ATG4C: variants seen among roughly 807,000 people sequenced by gnomAD.
ATG4C encodes cysteine protease ATG4C.
A neutral mutation model predicts 57.6 loss-of-function variants in ATG4C; 56 were observed. The observed-to-expected ratio is 0.97, with a 90% CI of 0.78 to 1.21. The LOEUF is 1.21. ATG4C is among the 50% of genes most tolerant of loss of function. ATG4C has a pLI of 0.00. For missense variants in ATG4C, 595 were observed against 529.8 expected (o/e 1.12, Z -1.21); for synonymous variants, 157 against 174.1 (o/e 0.90, Z 0.78).
chr1:62,785,901 G>A (rs562169300), intron 1 of ATG4C, among the ~76,000 whole-genome samples: 2 of 152,064 alleles, frequency 1.3e-5, no homozygotes, highest in South Asian at 4.2e-4. Flanking sequence ...AAATGATACG[G>A]TAGCCATTAC....
intron 1 of ATG4C, among the ~76,000 whole-genome samples, chr1:62,800,225 A>G (rs530640856): frequency 1.3e-5 from 2 of 152,318 alleles, no homozygotes; most frequent in South Asian, 4.1e-4. Context: ...AGATACCTGC[A>G]TGCACATACT....
rs10677674 is a variant in ATG4C, at chr1:62,810,711, GT to G, written c.160+5471del. Among the ~76,000 whole-genome samples the G allele has an allele frequency of 2.7e-3, 385 of 141,548 alleles. 3 individuals carry two copies. Among genetic ancestry groups the G allele is most frequent in the African/African-American group, 8.6e-3 (335 of 38,856 alleles). The allele number at this position is 141,548 out of a possible 152,430, so 92.9% of individuals were successfully genotyped here. On this transcript the variant is annotated intron_variant, in intron 3 of 10. Transcript: ENST00000317868. Reference sequence around the variant, plus strand: ...GCTAGCAATTTCCCATTGAGTCCTTGTTTTTTTTTTTTTTTCTTTAGAAGAA... The same window carrying G: ...GCTAGCAATTTCCCATTGAGTCCTTGTTTTTTTTTTTTTTCTTTAGAAGAA...
intron 8 of ATG4C, 72 bp from the exon 9 acceptor site, chr1:62,834,704 A>G: frequency 1.6e-6 from 2 of 1,276,006 alleles, no homozygotes; most frequent in Non-Finnish European, 2.3e-6. Context: ...TGTTCTACAT[A>G]GAAATTGGAT....
At chr1:62,821,299 A>G (rs536838871) in intron 6 of ATG4C, 90 bp downstream of exon 6, 263 of 755,582 alleles carry the variant, frequency 3.5e-4, no homozygotes, top group Non-Finnish European at 4.8e-4. Flanking sequence ...GTAAATGATT[A>G]TGAAGGTAGG....
Position 62,810,265 on chromosome 1 carries a change from T to G in ATG4C, c.160+5010T>G, listed in dbSNP as rs538067308. On this transcript the variant is annotated intron_variant, in intron 3 of 10. Transcript: ENST00000317868. The stretch of plus-strand genomic sequence containing the variant: ...TGCTGAAAGTATGAAATATACAGTC[T>G]TTACTCTCAAGAAACTTACAGTCCA... Among the ~76,000 whole-genome samples the G allele has an allele frequency of 5.3e-5, 8 of 152,306 alleles. No individual in the cohort carries two copies. In the East Asian group the frequency reaches 1.5e-3, roughly 29 times the overall value.
chr1:62,801,289 T>G (rs1172704633), intron 1 of ATG4C, among the ~76,000 whole-genome samples: 4 of 152,248 alleles, frequency 2.6e-5, no homozygotes, highest in Non-Finnish European at 5.9e-5. Context: ...TCAGCAGTTC[T>G]CAAATTAATA....
chr1:62,801,958 CAAAAAAA>C (rs60298362), intron 1 of ATG4C, among the ~76,000 whole-genome samples: 13 of 51,888 alleles, frequency 2.5e-4, no homozygotes, highest in South Asian at 1.2e-3. Context: ...ACTCTGTCTC[CAAAAAAA>C]AAAAAAAAAA....
In ATG4C at chr1:62,835,384, A is replaced by G. The variant is rs772601973; in HGVS notation, c.1089+532A>G. The G allele has an allele frequency of 1.4e-5, 5 of 356,312 alleles. 1 individual carries two copies. Among genetic ancestry groups the G allele is most frequent in the South Asian group, 7.1e-5 (3 of 42,446 alleles). The allele number at this position is 356,312 out of a possible 1,614,324, so 22.1% of individuals were successfully genotyped here. On this transcript the variant is annotated intron_variant, in intron 9 of 10. Transcript: ENST00000317868. ...CTTAACCTCTTCTTTTCCTTTATAC[A>G]GGTCATTTTGTGATCCAGTATTTTA...
chr1:62,862,866 A>G (rs1666896979), intron 10 of ATG4C, among the ~76,000 whole-genome samples: 1 of 152,108 alleles, frequency 6.6e-6, no homozygotes, highest in African/African-American at 2.4e-5. Context: ...CATTTGAGAT[A>G]ATGCAGTTTT....
intron 10 of ATG4C, 86 bp downstream of exon 10, chr1:62,841,633 A>T (rs1055645671): frequency 6.1e-5 from 68 of 1,107,032 alleles, no homozygotes; most frequent in African/African-American, 5.2e-4. Context: ...GTAAATTATA[A>T]TTTTTTATAA....
Position 62,803,873 on chromosome 1 carries a change from T to C in ATG4C, c.76+11T>C. On this transcript the variant is annotated intron_variant, in intron 2 of 10. Coordinates refer to ENST00000317868, the MANE Select transcript of ATG4C (RefSeq NM_032852.4). ...ACAACATGAAATATAGTAAGTATCA[T>C]GTTTTAAAAATTGTATAAATCCAAA... The C allele has an allele frequency of 2.7e-6, 4 of 1,500,412 alleles. No individual in the cohort carries two copies. Among genetic ancestry groups the C allele is most frequent in the East Asian group, 2.3e-5 (1 of 43,044 alleles). The allele number at this position is 1,500,412 out of a possible 1,614,324, so 92.9% of individuals were successfully genotyped here.
intron 1 of ATG4C, among the ~76,000 whole-genome samples, chr1:62,794,775 T>A (rs1664404017): frequency 6.6e-6 from 1 of 152,188 alleles, no homozygotes; most frequent in African/African-American, 2.4e-5. Flanking sequence ...GATAGAAGAT[T>A]GGCAGGTATC....
intron 1 of ATG4C, among the ~76,000 whole-genome samples, chr1:62,788,712 A>G (rs756022144): frequency 6.6e-6 from 1 of 152,178 alleles, no homozygotes; most frequent in Non-Finnish European, 1.5e-5. Context: ...AATTAAAGAC[A>G]TTAATTGTAT....
intron 7 of ATG4C, among the ~76,000 whole-genome samples, chr1:62,829,689 C>G (rs2100332215): frequency 6.6e-6 from 1 of 151,806 alleles, no homozygotes; most frequent in Non-Finnish European, 1.5e-5. Context: ...TCATCTTAAC[C>G]AGTTAAAAAT....
Position 62,803,704 on chromosome 1 carries a change from C to A in ATG4C, c.-68-15C>A. 9 of 906,878 alleles carry A rather than the reference C, an allele frequency of 9.9e-6. No individual in the cohort carries two copies. Among genetic ancestry groups the A allele is most frequent in the Non-Finnish European group, 1.3e-5 (8 of 601,012 alleles). The allele number at this position is 906,878 out of a possible 1,614,324, so 56.2% of individuals were successfully genotyped here. ...ATATGTAGTAATTACTGATTTTTTT[C>A]CTTAATTTTTAAAGTCAGTATAAAA... On this transcript the variant is annotated splice_polypyrimidine_tract_variant and intron_variant, in intron 1 of 10. Coordinates refer to ENST00000317868, the MANE Select transcript of ATG4C (RefSeq NM_032852.4).
At chr1:62,813,076 C>G (rs1665140746) in intron 3 of ATG4C, among the ~76,000 whole-genome samples, 1 of 152,162 alleles carries the variant, frequency 6.6e-6, no homozygotes, top group African/African-American at 2.4e-5. Flanking sequence ...AATGCTATCC[C>G]CATCAAGCTA....
intron 9 of ATG4C, among the ~76,000 whole-genome samples, chr1:62,840,015 G>A (rs1252758160): frequency 6.6e-6 from 1 of 152,098 alleles, no homozygotes; most frequent in East Asian, 1.9e-4. Flanking sequence ...GATTTTAATT[G>A]ATTTCACCAT....
chr1:62,787,258 A>AT (rs1038094993), intron 1 of ATG4C, among the ~76,000 whole-genome samples: 104 of 151,962 alleles, frequency 6.8e-4, no homozygotes, highest in African/African-American at 2.3e-3. Flanking sequence ...TTTTGGTATC[A>AT]TTTTTTCTTG....
intron 1 of ATG4C, among the ~76,000 whole-genome samples, chr1:62,793,597 GAAAAA>G (rs746057232): frequency 4.9e-5 from 1 of 20,536 alleles, no homozygotes; most frequent in Admixed American, 6.1e-4. Flanking sequence ...ACCTTGTCTC[GAAAAA>G]AAAAAAAAAA....
Sources: gnomAD v4.1 joint callset for allele counts (sites outside exome capture counted in the v4.1 genomes callset) on GRCh38, gnomAD v4.1.1 for gene constraint, MANE v1.5 for transcripts, NCBI Gene and HGNC (gene_info 2026-07-23, HGNC 2026-07-21) for gene names.